Variants in PPM1E observed in about 807,000 individuals in gnomAD.
PPM1E encodes the protein protein phosphatase, Mg2+/Mn2+ dependent 1E, also known as protein phosphatase 1E.
PPM1E carries 20 observed loss-of-function variants against 65.9 expected under a neutral mutation model. The observed-to-expected ratio is 0.30, with a 90% confidence interval of 0.21 to 0.44. The LOEUF (loss-of-function observed/expected upper bound fraction) is 0.44. Among genes scored for constraint, PPM1E ranks in the 20% least tolerant of loss-of-function variants. The probability of loss-of-function intolerance (pLI) is 1.00; values close to 1 mark genes in which losing one functional copy is unlikely to be tolerated. For missense variants in PPM1E, 713 were observed against 953.1 expected, an observed-to-expected ratio of 0.75 and a Z score of 3.32; for synonymous variants, 352 against 374.9, an observed-to-expected ratio of 0.94 and a Z score of 0.70.
At chr17:58,856,342 C>T (rs951563709) in intron 1 of PPM1E, among the ~76,000 whole-genome samples, 4 of 152,122 alleles carry the variant, frequency 2.6e-5, no homozygotes, top group South Asian at 2.1e-4. Flanking sequence ...CGGATTCAAG[C>T]GATCTCCTGC....
At chr17:58,771,549 G>C (rs1474948410) in intron 1 of PPM1E, among the ~76,000 whole-genome samples, 3 of 151,682 alleles carry the variant, frequency 2.0e-5, no homozygotes, top group Non-Finnish European at 4.4e-5. Flanking sequence ...GCTTGAACCT[G>C]GGAGGTGGAG....
chr17:58,759,454 G>A (rs2049802130), intron 1 of PPM1E, among the ~76,000 whole-genome samples: 1 of 152,174 alleles, frequency 6.6e-6, no homozygotes, highest in Non-Finnish European at 1.5e-5. Flanking sequence ...GTGAATATAA[G>A]GCTATCTGTG....
At chr17:58,926,773 G>T (rs1336701317) in intron 1 of PPM1E, among the ~76,000 whole-genome samples, 1 of 151,902 alleles carries the variant, frequency 6.6e-6, no homozygotes, top group Non-Finnish European at 1.5e-5. Flanking sequence ...TTAGCTATTG[G>T]GGCTAATATA....
chr17:58,883,292 G>C (rs944876453), intron 1 of PPM1E, among the ~76,000 whole-genome samples: 1 of 151,656 alleles, frequency 6.6e-6, no homozygotes, highest in Non-Finnish European at 1.5e-5. Flanking sequence ...AAGTTTTTCT[G>C]TGTGTGCTGA....
chr17:58,843,155 C>T (rs1443809924), intron 1 of PPM1E, among the ~76,000 whole-genome samples: 2 of 151,166 alleles, frequency 1.3e-5, no homozygotes, highest in African/African-American at 2.4e-5. Flanking sequence ...GGCATGGTGG[C>T]GGCGCCTGTA....
chr17:58,906,603 G>T (rs1432864753), intron 1 of PPM1E, among the ~76,000 whole-genome samples: 1 of 152,128 alleles, frequency 6.6e-6, no homozygotes, highest in Non-Finnish European at 1.5e-5. Context: ...CTCTCAAAGT[G>T]CTGGGATTAC....
intron 1 of PPM1E, among the ~76,000 whole-genome samples, chr17:58,865,544 A>G (rs1437477742): frequency 6.6e-6 from 1 of 152,158 alleles, no homozygotes; most frequent in Non-Finnish European, 1.5e-5. Flanking sequence ...ACCCGTCTCT[A>G]CAAAAATTCA....
intron 1 of PPM1E, among the ~76,000 whole-genome samples, chr17:58,781,664 G>C (rs949874791): frequency 6.6e-6 from 1 of 151,942 alleles, no homozygotes; most frequent in African/African-American, 2.4e-5. Context: ...CACTTTCGGA[G>C]GCTGAGGCAG....
chr17:58,778,410 T>G (rs1042812782), intron 1 of PPM1E, among the ~76,000 whole-genome samples: 1 of 147,908 alleles, frequency 6.8e-6, no homozygotes, highest in African/African-American at 2.5e-5. Flanking sequence ...ATCTTTTTTT[T>G]TTTTTTTTTT....
At chr17:58,935,616 G>A (rs545244330) in intron 1 of PPM1E, among the ~76,000 whole-genome samples, 1 of 152,252 alleles carries the variant, frequency 6.6e-6, no homozygotes, top group Admixed American at 6.5e-5. Context: ...AAGAAAGATA[G>A]TTACCACTAA....
chr17:58,861,664 G>A (rs1178964751), intron 1 of PPM1E, among the ~76,000 whole-genome samples: 3 of 152,142 alleles, frequency 2.0e-5, no homozygotes, highest in East Asian at 1.9e-4. Context: ...GGTGGCTCAC[G>A]CTGGTAATCC....
intron 1 of PPM1E, among the ~76,000 whole-genome samples, chr17:58,913,622 A>T (rs751509492): frequency 6.6e-5 from 10 of 152,126 alleles, no homozygotes; most frequent in Non-Finnish European, 1.3e-4. Context: ...TTTTTAAAGG[A>T]TAATTTGGCA....
In PPM1E at chr17:58,857,397, G is replaced by A. The variant is rs534941179; in HGVS notation, c.465-98252G>A. Among the ~76,000 whole-genome samples, 112 of 152,148 alleles carry A rather than the reference G, an allele frequency of 7.4e-4. 1 individual carries two copies. Among genetic ancestry groups the A allele is most frequent in the African/African-American group, 2.6e-3 (110 of 41,522 alleles). On this transcript the variant is annotated intron_variant, in intron 1 of 6. Coordinates refer to ENST00000308249, the MANE Select transcript of PPM1E (RefSeq NM_014906.5). ...ATGGCTCAGTGGCAGTACTATGTCG[G>A]TAGCAGTTTTAATCAGACTGAGTTT...
At chr17:58,879,720 A>T (rs1011308303) in intron 1 of PPM1E, among the ~76,000 whole-genome samples, 1 of 151,962 alleles carries the variant, frequency 6.6e-6, no homozygotes, top group African/African-American at 2.4e-5. Context: ...CATGTTAGCC[A>T]GGATGGTCTC....
chr17:58,980,304 A>T lies in PPM1E; in HGVS notation c.1541A>T (p.Asp514Val), dbSNP rs757911698. Residue 514 changes from aspartate (D) to valine (V), a missense_variant, in exon 7 of 7, where the codon GAT (aspartate) becomes GTT (valine). Transcript: ENST00000308249. The surrounding 1 kb of genome is among the most constrained non-coding windows in gnomAD (Gnocchi z 4.7). ...TENSFQGGQE[D>V]GGDDKENHGE... ...AACTCTTTTCAAGGAGGGCAAGAAG[A>T]TGGTGGGGATGATAAGGAGAATCAT... 1.2e-6 allele frequency: 2 copies of T among 1,614,126 alleles called. No homozygotes were observed. Among genetic ancestry groups the T allele is most frequent in the Admixed American group, 3.3e-5 (2 of 60,014 alleles).
At position 58,756,329 on chromosome 17, in the gene PPM1E, A is replaced by C. The variant is rs2144117178; in HGVS notation, c.332A>C (p.His111Pro). Reference protein sequence around the residue: ...GAATAAAAPGHSAVPPPPPQL... With the variant: ...GAATAAAAPGPSAVPPPPPQL... ...GCGACGGCGGCGGCAGCCCCGGGGC[A>C]CTCGGCCGTGCCGCCGCCGCCGCCC... The change falls in exon 1 of 7, where the codon CAC (histidine) becomes CCC (proline). Residue 111 changes from histidine to proline, a missense_variant. His to Pro is a moderately conservative substitution (Grantham distance 77). Around this residue, in one of 6 missense-constraint regions of PPM1E, gnomAD observed 212 missense variants for 204.0 expected, o/e 1.04. Transcript: ENST00000308249. The C allele has an allele frequency of 7.0e-7, 1 of 1,425,448 alleles. No individual in the cohort carries two copies. Among genetic ancestry groups the C allele is most frequent in the Admixed American group, 3.2e-5 (1 of 31,582 alleles). The allele number at this position is 1,425,448 out of a possible 1,614,324, so 88.3% of individuals were successfully genotyped here.
chr17:58,960,447 A>G (rs1318500550), intron 2 of PPM1E, among the ~76,000 whole-genome samples: 1 of 152,218 alleles, frequency 6.6e-6, no homozygotes, highest in Non-Finnish European at 1.5e-5. Flanking sequence ...TTATTGGAAG[A>G]AAAAGCAATG....
In PPM1E at chr17:58,982,735, C is replaced by T. The variant is rs1055573365; in HGVS notation, c.*1704C>T. 7 of 537,082 alleles carry T rather than the reference C, an allele frequency of 1.3e-5. No homozygotes were observed. The East Asian group carries it at 2.1e-4, about 16-fold the overall frequency. 33.3% of individuals were successfully genotyped at this position (537,082 alleles called of 1,614,324 possible). A position where few individuals can be genotyped will look rare whatever the true frequency, so the allele number is the denominator to read the frequency against. On this transcript the variant is annotated 3_prime_UTR_variant, in exon 7 of 7. Coordinates refer to ENST00000308249, the MANE Select transcript of PPM1E (RefSeq NM_014906.5). Reference sequence around the variant, plus strand: ...ATTTGTTTTCTCTTGATTTTGAAGTCATTTCTTCTTCTCACGTCTGTGACA... The same window carrying T: ...ATTTGTTTTCTCTTGATTTTGAAGTTATTTCTTCTTCTCACGTCTGTGACA...
At chr17:58,965,542 A>G in intron 2 of PPM1E, 152 bp from the exon 3 acceptor site, 1 of 760,672 alleles carries the variant, frequency 1.3e-6, no homozygotes, top group Non-Finnish European at 2.2e-6. Flanking sequence ...TTCTCTCTTC[A>G]GAAGCAGCAT....
Sources: allele counts gnomAD v4.1 joint callset (sites outside exome capture counted in the v4.1 genomes callset), GRCh38; gene constraint gnomAD v4.1.1; regional missense constraint gnomAD v4.1.1; non-coding constraint Gnocchi (gnomAD v3.1); transcripts MANE v1.5; gene names NCBI Gene and HGNC (gene_info 2026-07-23, HGNC 2026-07-21).